The following NCOA7 variants were observed in gnomAD, a reference collection of about 807,000 sequenced individuals.
NCOA7 encodes 140 kDa estrogen receptor-associated protein.
A neutral mutation model predicts 104.3 loss-of-function variants in NCOA7; 45 were observed. The observed-to-expected ratio is 0.43, with a 90% CI of 0.34 to 0.55. The LOEUF (loss-of-function observed/expected upper bound fraction) is 0.55. Ranked by LOEUF, NCOA7 falls within the 20% of genes least tolerant of loss-of-function variation. The pLI, the probability that NCOA7 is intolerant of heterozygous loss-of-function variation, is 0.02. For synonymous variants in NCOA7, 398 were observed against 402.3 expected (o/e 0.99, Z 0.13); for missense variants, 1,041 against 1,119.7 (o/e 0.93, Z 1.00).
At chr6:125,913,330 A>G (rs1015692718) in intron 10 of NCOA7, among the ~76,000 whole-genome samples, 5 of 152,158 alleles carry the variant, frequency 3.3e-5, no homozygotes, top group Admixed American at 3.3e-4. Flanking sequence ...TCCTTAAGAG[A>G]CCTCTGTGAT....
At chr6:125,838,230 C>G (rs1007032212) in intron 2 of NCOA7, among the ~76,000 whole-genome samples, 1 of 151,936 alleles carries the variant, frequency 6.6e-6, no homozygotes, top group African/African-American at 2.4e-5. Context: ...CTTGAGGTCA[C>G]GGAAAGAATG....
rs1788337564 is a variant in NCOA7 at position 125,929,528 on chromosome 6, G to A, written c.*757G>A. 6.6e-6 allele frequency: 1 copy of A among 151,946 alleles called. No homozygotes were observed. Among genetic ancestry groups the A allele is most frequent in the South Asian group, 2.1e-4 (1 of 4,830 alleles). The allele number at this position is 151,946 out of a possible 1,614,324, so 9.4% of individuals were successfully genotyped here. ...TGTATATGTACATATACATATATAT[G>A]AGTGTATAATTCTAAATTTCTAAAA... On this transcript the variant is annotated 3_prime_UTR_variant, in exon 16 of 16. Transcript: ENST00000392477.
intron 13 of NCOA7, among the ~76,000 whole-genome samples, chr6:125,924,403 T>A (rs944239607): frequency 6.6e-6 from 1 of 152,234 alleles, no homozygotes; most frequent in Non-Finnish European, 1.5e-5. Flanking sequence ...CTTGTGTCAT[T>A]TGAGGACAAC....
intron 2 of NCOA7, among the ~76,000 whole-genome samples, chr6:125,849,890 C>G (rs1008056343): frequency 6.6e-6 from 1 of 152,038 alleles, no homozygotes; most frequent in Non-Finnish European, 1.5e-5. Flanking sequence ...AGATGATTTG[C>G]CAAGTGTATT....
At chr6:125,884,525 GC>G (rs1165801662) in intron 7 of NCOA7, among the ~76,000 whole-genome samples, 3 of 152,202 alleles carry the variant, frequency 2.0e-5, no homozygotes, top group Admixed American at 2.0e-4. Flanking sequence ...TATAATTTGA[GC>G]AAGCTTCAGA....
intron 15 of NCOA7, 131 bp downstream of exon 15, chr6:125,928,378 G>A (rs1214274520): frequency 1.2e-6 from 1 of 866,520 alleles, no homozygotes; most frequent in East Asian, 2.5e-5. Context: ...AGATGAATTA[G>A]GACAGAGGCT....
intron 3 of NCOA7, among the ~76,000 whole-genome samples, chr6:125,865,782 G>A (rs1389383749): frequency 7.3e-6 from 1 of 136,878 alleles, no homozygotes; most frequent in African/African-American, 3.1e-5. Flanking sequence ...TCCCACCTCA[G>A]CCTCCCAAGT....
At chr6:125,850,268 G>C (rs2128614604) in intron 2 of NCOA7, among the ~76,000 whole-genome samples, 1 of 152,286 alleles carries the variant, frequency 6.6e-6, no homozygotes, top group South Asian at 2.1e-4. Context: ...GAATATTCTA[G>C]TTATATTGAT....
chr6:125,795,712 A>T (rs533917283), intron 1 of NCOA7, among the ~76,000 whole-genome samples: 2 of 152,182 alleles, frequency 1.3e-5, no homozygotes, highest in African/African-American at 2.4e-5. Flanking sequence ...TTTCCATCAT[A>T]CACAGGAAGG....
intron 2 of NCOA7, among the ~76,000 whole-genome samples, chr6:125,831,425 C>G (rs1332696616): frequency 1.3e-5 from 2 of 151,790 alleles, no homozygotes; most frequent in Non-Finnish European, 2.9e-5. Flanking sequence ...CAGTTGATAT[C>G]AAGCTACTCG....
At chr6:125,907,843 C>A (rs1357459760) in intron 10 of NCOA7, among the ~76,000 whole-genome samples, 1 of 152,142 alleles carries the variant, frequency 6.6e-6, no homozygotes, top group Non-Finnish European at 1.5e-5. Context: ...GAAATCACAG[C>A]TTTTCTTTTT....
At chr6:125,851,764 T>C (rs1051223038) in intron 2 of NCOA7, among the ~76,000 whole-genome samples, 4 of 152,224 alleles carry the variant, frequency 2.6e-5, no homozygotes, top group African/African-American at 9.6e-5. Context: ...TATTGTTTTT[T>C]GACTTTTTAA....
At chr6:125,894,693 C>G (rs1784870603) in intron 10 of NCOA7, among the ~76,000 whole-genome samples, 1 of 151,964 alleles carries the variant, frequency 6.6e-6, no homozygotes. Context: ...CTGAAATGAA[C>G]CAGACACACT....
At chr6:125,850,280 A>G (rs1781005392) in intron 2 of NCOA7, among the ~76,000 whole-genome samples, 1 of 152,202 alleles carries the variant, frequency 6.6e-6, no homozygotes, top group African/African-American at 2.4e-5. Context: ...TATATTGATA[A>G]TCTCCAGAGA....
At chr6:125,925,972 T>C (rs79429512) in intron 13 of NCOA7, among the ~76,000 whole-genome samples, 13 of 152,288 alleles carry the variant, frequency 8.5e-5, no homozygotes, top group African/African-American at 3.1e-4. Flanking sequence ...CCCAATATCA[T>C]CCAGCCCTTA....
chr6:125,920,830 T>G, intron 11 of NCOA7, 113 bp from the exon 12 acceptor site: 8 of 1,365,194 alleles, frequency 5.9e-6, no homozygotes, highest in Non-Finnish European at 7.9e-6. Flanking sequence ...GTTGATTTCC[T>G]GCTGCCGAAG....
chr6:125,828,625 C>A (rs1778871371), intron 2 of NCOA7, among the ~76,000 whole-genome samples: 1 of 152,126 alleles, frequency 6.6e-6, no homozygotes, highest in African/African-American at 2.4e-5. Flanking sequence ...AAAGGGATCC[C>A]TCAGGGATGT....
intron 2 of NCOA7, among the ~76,000 whole-genome samples, chr6:125,833,593 A>AG (rs1392213149): frequency 3.2e-3 from 5 of 1,572 alleles, no homozygotes; most frequent in African/African-American, 5.4e-3. Context: ...AAGGAAAGGG[A>AG]GGGGGGGAGG....
At chr6:125,904,272 A>G (rs571683266) in intron 10 of NCOA7, among the ~76,000 whole-genome samples, 17 of 152,138 alleles carry the variant, frequency 1.1e-4, no homozygotes, top group African/African-American at 4.1e-4. Context: ...TTCAACACCA[A>G]CATCCCAGCT....
Sources: allele counts gnomAD v4.1 joint callset (sites outside exome capture counted in the v4.1 genomes callset), GRCh38; gene constraint gnomAD v4.1.1; transcripts MANE v1.5; gene names NCBI Gene and HGNC (gene_info 2026-07-23, HGNC 2026-07-21).